ATRNL1: variants seen among roughly 807,000 people sequenced by gnomAD.
ATRNL1 encodes the protein attractin-like protein 1.
A neutral mutation model predicts 182.7 loss-of-function variants in ATRNL1; 95 were observed. The ratio of observed to expected loss-of-function variants is 0.52; its 90% CI spans 0.44 to 0.62. ATRNL1 has a LOEUF of 0.62. Among genes scored for constraint, ATRNL1 ranks in the 20% least tolerant of loss-of-function variants. The probability of loss-of-function intolerance (pLI) is 0.00; values close to 1 mark genes in which losing one functional copy is unlikely to be tolerated. For missense variants in ATRNL1, 1,471 were observed against 1,679.5 expected, an observed-to-expected ratio of 0.88 and a Z score of 2.17; for synonymous variants, 576 against 568.3, an observed-to-expected ratio of 1.01 and a Z score of -0.19.
intron 20 of ATRNL1, among the ~76,000 whole-genome samples, chr10:115,413,484 A>G (rs548610881): frequency 3.9e-5 from 6 of 152,252 alleles, no homozygotes; most frequent in Admixed American, 6.5e-5. Context: ...ACATTTTTCT[A>G]TAAACAAGAC....
At chr10:115,883,344 C>G (rs1489458322) in intron 28 of ATRNL1, among the ~76,000 whole-genome samples, 1 of 152,218 alleles carries the variant, frequency 6.6e-6, no homozygotes, top group Non-Finnish European at 1.5e-5. Context: ...AGTGAATGAG[C>G]TACAGCTGTT....
chr10:115,536,646 C>G (rs1399504722), intron 25 of ATRNL1, among the ~76,000 whole-genome samples: 3 of 152,200 alleles, frequency 2.0e-5, no homozygotes, highest in African/African-American at 7.2e-5. Context: ...CTGGCACTCC[C>G]TAGTGAGATG....
chr10:115,268,206 C>T lies in ATRNL1; in HGVS notation c.1982-120C>T, dbSNP rs551737407. 74 of 651,764 alleles carry T rather than the reference C, an allele frequency of 1.1e-4. No individual in the cohort carries two copies. In the African/African-American group the frequency reaches 1.1e-3, roughly 10 times the overall value. 40.4% of individuals were successfully genotyped at this position (651,764 alleles called of 1,614,324 possible). A position where few individuals can be genotyped will look rare whatever the true frequency, so the allele number is the denominator to read the frequency against. On this transcript the variant is annotated intron_variant, in intron 12 of 28. Transcript: ENST00000355044. Reference sequence around the variant, plus strand: ...GAAAACTTACTTTGAAATTGAAGGTCATTTCTTTGGTTAAAAAATGTCTTA... The same window carrying T: ...GAAAACTTACTTTGAAATTGAAGGTTATTTCTTTGGTTAAAAAATGTCTTA...
intron 20 of ATRNL1, 90 bp downstream of exon 20, chr10:115,394,842 G>T: frequency 1.0e-6 from 1 of 960,798 alleles, no homozygotes; most frequent in Non-Finnish European, 1.5e-6. Flanking sequence ...TTAGTGTTGT[G>T]CTAGTTAGGC....
At position 115,659,006 on chromosome 10, in the gene ATRNL1, G is replaced by T. The variant is rs369531108; in HGVS notation, c.3796-68242G>T. ...TAAAACCATAAGCTCTCATAAGAAT[G>T]TACTCACTATCAGGAGAATAACATG... On this transcript the variant is annotated intron_variant, in intron 26 of 28. Transcript: ENST00000355044. Among the ~76,000 whole-genome samples the T allele has an allele frequency of 2.6e-4, 39 of 152,170 alleles. 1 individual carries two copies. The South Asian group carries it at 7.9e-3, about 31-fold the overall frequency.
At chr10:115,764,921 G>A (rs1005716530) in intron 27 of ATRNL1, among the ~76,000 whole-genome samples, 8 of 152,148 alleles carry the variant, frequency 5.3e-5, no homozygotes, top group Non-Finnish European at 1.0e-4. Flanking sequence ...CAATCCGCCC[G>A]CCTTGGCCTC....
At chr10:115,151,605 A>T (rs1224323115) in intron 5 of ATRNL1, among the ~76,000 whole-genome samples, 8 of 152,078 alleles carry the variant, frequency 5.3e-5, no homozygotes, top group Non-Finnish European at 1.0e-4. Flanking sequence ...TTCTTTGTAG[A>T]TTCTGGATAT....
intron 19 of ATRNL1, among the ~76,000 whole-genome samples, chr10:115,386,396 G>A (rs1046782963): frequency 6.6e-6 from 1 of 152,094 alleles, no homozygotes; most frequent in Non-Finnish European, 1.5e-5. Context: ...ACCTGGCGAC[G>A]GATGAATAAT....
At chr10:115,817,180 C>T (rs1479159964) in intron 27 of ATRNL1, among the ~76,000 whole-genome samples, 2 of 151,998 alleles carry the variant, frequency 1.3e-5, no homozygotes, top group East Asian at 3.9e-4. Flanking sequence ...CTCATTAAAA[C>T]CAAGAATTTA....
intron 28 of ATRNL1, among the ~76,000 whole-genome samples, chr10:115,861,979 T>C (rs1260190892): frequency 6.6e-6 from 1 of 152,084 alleles, no homozygotes; most frequent in Non-Finnish European, 1.5e-5. Context: ...GTTTCATAGA[T>C]TCTTTATTCT....
intron 26 of ATRNL1, among the ~76,000 whole-genome samples, chr10:115,616,908 G>A (rs116698490): frequency 8.7e-4 from 132 of 152,330 alleles, no homozygotes; most frequent in African/African-American, 3.0e-3. Flanking sequence ...CTCTCCTAGG[G>A]CAGTGCAGAG....
chr10:115,778,563 C>T (rs1176536324), intron 27 of ATRNL1, among the ~76,000 whole-genome samples: 1 of 152,184 alleles, frequency 6.6e-6, no homozygotes, highest in Non-Finnish European at 1.5e-5. Flanking sequence ...CGAACTAAAT[C>T]ATATGCATGA....
At chr10:115,726,203 C>T (rs1415762638) in intron 26 of ATRNL1, among the ~76,000 whole-genome samples, 1 of 152,154 alleles carries the variant, frequency 6.6e-6, no homozygotes, top group Non-Finnish European at 1.5e-5. Flanking sequence ...AATCTTCACT[C>T]ACAGGACTAC....
intron 26 of ATRNL1, among the ~76,000 whole-genome samples, chr10:115,629,181 A>G (rs184909014): frequency 1.3e-3 from 197 of 152,322 alleles, no homozygotes; most frequent in African/African-American, 4.4e-3. Context: ...TGTAGATAAT[A>G]TGTTGTAGGC....
At position 115,213,449 on chromosome 10, in the gene ATRNL1, A is replaced by G. The variant is rs142919461; in HGVS notation, c.1349-2248A>G. ...TTTGGCTAAGGAATAAGCCTACCCAAGTAACCTTTTGTTCTAAGGATGGGG... is the reference window on the plus strand; with the variant it reads ...TTTGGCTAAGGAATAAGCCTACCCAGGTAACCTTTTGTTCTAAGGATGGGG... On this transcript the variant is annotated intron_variant, in intron 8 of 28. Transcript: ENST00000355044. Among the ~76,000 whole-genome samples the G allele has an allele frequency of 4.8e-3, 730 of 152,262 alleles. 4 individuals are homozygous for G. The highest frequency in any genetic ancestry group is 0.015 in the African/African-American group (644 of 41,558).
intron 24 of ATRNL1, among the ~76,000 whole-genome samples, chr10:115,510,813 C>T (rs1270833979): frequency 1.3e-5 from 2 of 151,766 alleles, no homozygotes; most frequent in African/African-American, 2.4e-5. Context: ...TGTGATTGGA[C>T]GTCATAAAAG....
intron 27 of ATRNL1, among the ~76,000 whole-genome samples, chr10:115,821,058 C>CCT (rs1555090152): frequency 1.3e-5 from 2 of 152,012 alleles, no homozygotes. Flanking sequence ...CATGCCTTTG[C>CCT]CTCTCTCTCA....
intron 20 of ATRNL1, among the ~76,000 whole-genome samples, chr10:115,421,424 C>T (rs1845646193): frequency 6.6e-6 from 1 of 152,048 alleles, no homozygotes; most frequent in Non-Finnish European, 1.5e-5. Flanking sequence ...CATTGCATTA[C>T]TAGGATGAAG....
chr10:115,620,261 A>G (rs1857657523), intron 26 of ATRNL1, among the ~76,000 whole-genome samples: 1 of 152,106 alleles, frequency 6.6e-6, no homozygotes, highest in African/African-American at 2.4e-5. Context: ...AACAGATCTC[A>G]TGGTAACTCA....
Sources: allele counts gnomAD v4.1 joint callset (sites outside exome capture counted in the v4.1 genomes callset), GRCh38; gene constraint gnomAD v4.1.1; transcripts MANE v1.5; gene names NCBI Gene and HGNC (gene_info 2026-07-23, HGNC 2026-07-21).